Variants in PLA2G7 observed in about 807,000 individuals in gnomAD.
The protein encoded by PLA2G7 is phospholipase A2 group VII, also known as platelet-activating factor acetylhydrolase.
A neutral mutation model predicts 49.6 loss-of-function variants in PLA2G7; 63 were observed. The observed-to-expected ratio is 1.27, with a 90% CI of 1.04 to 1.57. The LOEUF is 1.57. Ranked by LOEUF, PLA2G7 falls within the 40% of genes most tolerant of loss-of-function variation. PLA2G7 has a pLI of 0.00. For missense variants in PLA2G7, 596 were observed against 521.2 expected (o/e 1.14, Z -1.40); for synonymous variants, 193 against 169.9 (o/e 1.14, Z -1.06).
In PLA2G7 at chr6:46,711,573, C is replaced by G; in HGVS notation, c.586G>C (p.Ala196Pro). ...ATYYFKDQSA[A>P]EIGDKSWLYL... ...AGCCAAGACTTGTCCCCTATTTCTG[C>G]AGCAGATTGGTCCTTGAAATAGTAA... The change falls in exon 7 of 12, where the codon GCA (alanine) becomes CCA (proline). Residue 196 changes from alanine (A) to proline (P), a missense_variant. By Grantham distance (27) the Ala-to-Pro change is conservative. Coordinates refer to ENST00000274793, the MANE Select transcript of PLA2G7 (RefSeq NM_005084.4). 6.2e-7 allele frequency: 1 copy of G among 1,613,630 alleles called. No individual in the cohort carries two copies. Among genetic ancestry groups the G allele is most frequent in the Non-Finnish European group, 8.5e-7 (1 of 1,179,556 alleles).
Position 46,709,348 on chromosome 6 carries a change from A to T in PLA2G7, c.848T>A (p.Leu283His). 6.3e-7 allele frequency: 1 copy of T among 1,599,192 alleles called. No homozygotes were observed. The highest frequency in any genetic ancestry group is 8.6e-7 in the Non-Finnish European group (1 of 1,166,890). Residue 283 changes from leucine (L) to histidine (H), a missense_variant, in exon 9 of 12, where the codon CTT becomes CAT. By Grantham distance (99) the Leu-to-His change is moderately conservative (BLOSUM62 -3). Transcript: ENST00000274793. The stretch of plus-strand genomic sequence containing the variant: ...TTACCTGAATCTCTGATCTTCACTA[A>T]GAGTCTGAATAACCGTTGCTCCACC... Reference protein sequence around the residue: ...SFGGATVIQTLSEDQRFRCGI... With the variant: ...SFGGATVIQTHSEDQRFRCGI...
intron 2 of PLA2G7, among the ~76,000 whole-genome samples, 180 bp downstream of exon 2, chr6:46,722,603 T>G (rs1350180731): frequency 6.6e-6 from 1 of 152,200 alleles, no homozygotes; most frequent in African/African-American, 2.4e-5. Context: ...AAGTGCTTCT[T>G]CAATTTCAGT....
rs770747553 is a variant in PLA2G7, at chr6:46,711,616, A to T, written c.543T>A (p.Asp181Glu). 2.5e-6 allele frequency: 4 copies of T among 1,613,298 alleles called. No individual in the cohort carries two copies. Among genetic ancestry groups the T allele is most frequent in the Non-Finnish European group, 3.4e-6 (4 of 1,179,338 alleles). Residue 181 changes from aspartate to glutamate, a missense_variant, in exon 7 of 12, where the codon GAT becomes GAA. Transcript: ENST00000274793. ...AATAGTAAGTTGCAGATGCAGATCT[A>T]TCTCTATAATACAAGCAAAATTATT... ...GFIVAAVEHR[D>E]RSASATYYFK...
intron 3 of PLA2G7, among the ~76,000 whole-genome samples, chr6:46,716,760 G>A (rs1335439609): frequency 6.6e-6 from 1 of 152,116 alleles, no homozygotes; most frequent in East Asian, 1.9e-4. Flanking sequence ...CAGGTATTAA[G>A]GAAGTGAAAA....
At chr6:46,734,463 A>AC (rs1765845263) in intron 1 of PLA2G7, among the ~76,000 whole-genome samples, 1 of 128,956 alleles carries the variant, frequency 7.8e-6, no homozygotes, top group African/African-American at 3.5e-5. Flanking sequence ...AGAGAGAGAG[A>AC]GAGAGAGAGA....
At chr6:46,720,917 AC>A (rs1366544083) in intron 2 of PLA2G7, among the ~76,000 whole-genome samples, 4 of 152,132 alleles carry the variant, frequency 2.6e-5, no homozygotes, top group Admixed American at 2.6e-4. Flanking sequence ...ATTCCTACAA[AC>A]CTTTTAACCT....
intron 4 of PLA2G7, among the ~76,000 whole-genome samples, chr6:46,715,030 C>T (rs9472827): frequency 0.037 from 5,699 of 152,140 alleles, 226 homozygotes; most frequent in African/African-American, 0.1. Flanking sequence ...CCACCGCACC[C>T]GGCGTAAGTT....
At position 46,722,894 on chromosome 6, in the gene PLA2G7, TG is replaced by T; in HGVS notation, c.-4del. 1 of 1,588,878 alleles carries T rather than the reference TG, an allele frequency of 6.3e-7. No individual in the cohort carries two copies. The highest frequency in any genetic ancestry group is 1.1e-5 in the South Asian group (1 of 90,446). On this transcript the variant is annotated 5_prime_UTR_variant, in exon 2 of 12. Coordinates refer to ENST00000274793, the MANE Select transcript of PLA2G7 (RefSeq NM_005084.4). ...ACATGCAATTTGGGTGGCACCATCT[TG>T]GGAGCTGAGCAGCAGTTTCAGCTTA...
At chr6:46,714,923 T>C (rs2150699450) in intron 4 of PLA2G7, among the ~76,000 whole-genome samples, 1 of 151,848 alleles carries the variant, frequency 6.6e-6, no homozygotes, top group Non-Finnish European at 1.5e-5. Context: ...TTAGTAGAGA[T>C]GGGGTTTCTC....
At chr6:46,705,338 T>A (rs1224470684) in intron 10 of PLA2G7, 37 bp from the exon 11 acceptor site, 3 of 1,572,934 alleles carry the variant, frequency 1.9e-6, no homozygotes, top group African/African-American at 2.7e-5. Context: ...TCACATTGTT[T>A]GATAAAATTA....
rs757505329 is a variant in PLA2G7 at position 46,710,526 on chromosome 6, AT to A, written c.777+18del. 3.2e-5 allele frequency: 46 copies of A among 1,437,832 alleles called. No homozygotes were observed. The highest frequency in any genetic ancestry group is 3.8e-5 in the Non-Finnish European group (39 of 1,019,700). The allele number at this position is 1,437,832 out of a possible 1,614,324, so 89.1% of individuals were successfully genotyped here. On this transcript the variant is annotated intron_variant, in intron 8 of 11. Coordinates refer to ENST00000274793, the MANE Select transcript of PLA2G7 (RefSeq NM_005084.4). Reference sequence around the variant, plus strand: ...TAAAGAACTGTAGGACAAGAGAAAAATTACTTTTTATAGCTTACCTTCAGTT... The same window carrying A: ...TAAAGAACTGTAGGACAAGAGAAAAATACTTTTTATAGCTTACCTTCAGTT...
At chr6:46,712,173 A>G (rs1376009357) in intron 6 of PLA2G7, 96 bp downstream of exon 6, 1 of 848,202 alleles carries the variant, frequency 1.2e-6, no homozygotes, top group African/African-American at 1.7e-5. Flanking sequence ...TTCCATCAAC[A>G]TTTTAAATAA....
At chr6:46,704,930 T>A (rs527567491) in intron 11 of PLA2G7, among the ~76,000 whole-genome samples, 17 of 152,332 alleles carry the variant, frequency 1.1e-4, no homozygotes, top group African/African-American at 4.1e-4. Context: ...CTAGGCTTCA[T>A]ACAAAGAATA....
In PLA2G7 at chr6:46,705,187, G is replaced by A. The variant is rs1278312245; in HGVS notation, c.1155C>T (p.Asn385=). Residue 385 remains asparagine (N), a synonymous_variant, in exon 11 of 12, where the codon AAC becomes AAT. Coordinates refer to ENST00000274793, the MANE Select transcript of PLA2G7 (RefSeq NM_005084.4). ...TTTGTAAGAATGCTAATGAAGCTTT[G>A]TTGCTAAGATCAATAGCTACATTTG... ...IDSNVAIDLS[N]KASLAFLQKH... 1 of 1,608,580 alleles carries A rather than the reference G, an allele frequency of 6.2e-7. No homozygotes were observed. The highest frequency in any genetic ancestry group is 8.5e-7 in the Non-Finnish European group (1 of 1,175,422).
intron 1 of PLA2G7, among the ~76,000 whole-genome samples, chr6:46,733,300 C>A (rs9296509): frequency 0.2 from 30,605 of 152,128 alleles, 3,453 homozygotes; most frequent in South Asian, 0.46. Context: ...GAAATGAGGA[C>A]CCAGCTGTCC....
At chr6:46,720,722 T>G (rs1450767452) in intron 2 of PLA2G7, among the ~76,000 whole-genome samples, 2 of 152,250 alleles carry the variant, frequency 1.3e-5, no homozygotes, top group Non-Finnish European at 2.9e-5. Context: ...TTCAACTTTA[T>G]TTTAATAGGA....
At chr6:46,717,601 C>A (rs959476310) in intron 2 of PLA2G7, among the ~76,000 whole-genome samples, 1 of 152,058 alleles carries the variant, frequency 6.6e-6, no homozygotes, top group South Asian at 2.1e-4. Flanking sequence ...CTCAAGAACT[C>A]CTCATCTCCT....
intron 2 of PLA2G7, 81 bp from the exon 3 acceptor site, chr6:46,717,177 A>G: frequency 7.9e-7 from 1 of 1,268,922 alleles, no homozygotes; most frequent in Non-Finnish European, 1.2e-6. Context: ...CAACGGAATC[A>G]AGTTACTTCC....
intron 10 of PLA2G7, among the ~76,000 whole-genome samples, chr6:46,706,721 G>A (rs1456460069): frequency 6.6e-6 from 1 of 152,206 alleles, no homozygotes; most frequent in Non-Finnish European, 1.5e-5. Context: ...AGGGACAAAA[G>A]CAAAGGTGAG....
Sources: allele counts gnomAD v4.1 joint callset (sites outside exome capture counted in the v4.1 genomes callset), GRCh38; gene constraint gnomAD v4.1.1; transcripts MANE v1.5; gene names NCBI Gene and HGNC (gene_info 2026-07-23, HGNC 2026-07-21).